The following CLTCL1 variants were observed in gnomAD, a reference collection of about 807,000 sequenced individuals.
The protein encoded by CLTCL1 is clathrin heavy chain 2.
In CLTCL1, 159 loss-of-function variants were observed where a neutral mutation model predicts 190.0. The ratio of observed to expected loss-of-function variants is 0.84; its 90% CI spans 0.74 to 0.95. The LOEUF (loss-of-function observed/expected upper bound fraction) is 0.95. CLTCL1 is among the 40% of genes least tolerant of loss of function. The pLI, the probability that CLTCL1 is intolerant of heterozygous loss-of-function variation, is 0.00. For missense variants in CLTCL1, 1,878 were observed against 2,033.4 expected, an observed-to-expected ratio of 0.92 and a Z score of 1.47; for synonymous variants, 752 against 769.6, an observed-to-expected ratio of 0.98 and a Z score of 0.38.
chr22:19,209,189 T>C, intron 20 of CLTCL1, 75 bp from the exon 21 acceptor site: 2 of 1,359,128 alleles, frequency 1.5e-6, no homozygotes, highest in Admixed American at 4.8e-5. Context: ...TTTTGTTTGG[T>C]TTCCTGTTCT....
At chr22:19,183,333 C>T in intron 30 of CLTCL1, 57 bp downstream of exon 30, 5 of 1,489,104 alleles carry the variant, frequency 3.4e-6, no homozygotes, top group Non-Finnish European at 4.6e-6. Context: ...AGAGTCACTG[C>T]CAGGGTTGGG....
rs2084781911 is a variant in CLTCL1, at chr22:19,198,544, C to T, written c.3873+1190G>A. Among the ~76,000 whole-genome samples the T allele has an allele frequency of 6.6e-6, 1 of 152,194 alleles. No homozygotes were observed. Among genetic ancestry groups the T allele is most frequent in the African/African-American group, 2.4e-5 (1 of 41,442 alleles). On this transcript the variant is annotated intron_variant, in intron 24 of 32. Coordinates refer to ENST00000427926, the MANE Select transcript of CLTCL1 (RefSeq NM_007098.4). This position sits in a 1 kb window ranked among gnomAD's most constrained non-coding sequence, Gnocchi z 4.1. ...CCTTGAATACACAGCACACTTCTGCCTCAGGACTTTGCCTGGCCACTGACC... is the reference window on the plus strand; with the variant it reads ...CCTTGAATACACAGCACACTTCTGCTTCAGGACTTTGCCTGGCCACTGACC...
Position 19,234,709 on chromosome 22 carries a change from G to T in CLTCL1, c.970-3C>A. ...TCCTCAACACAAACTGACAGTACCT[G>T]TAAGGACACAACAAGTGAGAGCAGC... On this transcript the variant is annotated splice_polypyrimidine_tract_variant and splice_region_variant and intron_variant, in intron 6 of 32. Coordinates refer to ENST00000427926, the MANE Select transcript of CLTCL1 (RefSeq NM_007098.4). The T allele has an allele frequency of 6.2e-7, 1 of 1,613,240 alleles. No homozygotes were observed. Among genetic ancestry groups the T allele is most frequent in the Non-Finnish European group, 8.5e-7 (1 of 1,179,288 alleles).
At chr22:19,270,519 A>G (rs1017194039) in intron 2 of CLTCL1, among the ~76,000 whole-genome samples, 1 of 151,940 alleles carries the variant, frequency 6.6e-6, no homozygotes, top group Non-Finnish European at 1.5e-5. Context: ...CAAAGTCAAG[A>G]GATCGAGACC....
In CLTCL1 at chr22:19,201,411, G is replaced by A. The variant is rs1185759133; in HGVS notation, c.3683C>T (p.Ala1228Val). The change falls in exon 23 of 33, where the codon GCT (alanine) becomes GTT (valine). Residue 1228 changes from alanine (A) to valine (V), a missense_variant. Coordinates refer to ENST00000427926, the MANE Select transcript of CLTCL1 (RefSeq NM_007098.4). The stretch of plus-strand genomic sequence containing the variant: ...CTCACCGAGGTGAACCAAGGTGGAA[G>A]CCAGGCGGGCAAAGTTAGAAACATT... ...YSNVSNFARL[A>V]STLVHLGEYQ... The A allele has an allele frequency of 5.0e-6, 8 of 1,613,832 alleles. No homozygotes were observed. The Admixed American group carries it at 1.3e-4, about 27-fold the overall frequency.
intron 3 of CLTCL1, among the ~76,000 whole-genome samples, chr22:19,243,483 G>A (rs1410756198): frequency 1.3e-5 from 2 of 152,008 alleles, no homozygotes; most frequent in Non-Finnish European, 2.9e-5. Flanking sequence ...GCTGGTCATG[G>A]TGGCATGCGC....
intron 22 of CLTCL1, chr22:19,207,593 G>C: frequency 2.5e-6 from 1 of 405,062 alleles, no homozygotes; most frequent in Non-Finnish European, 4.3e-6. Context: ...CCATGCCACG[G>C]ACCGCTGCTG....
At chr22:19,202,262 C>A (rs1423684256) in intron 22 of CLTCL1, among the ~76,000 whole-genome samples, 1 of 152,092 alleles carries the variant, frequency 6.6e-6, no homozygotes, top group African/African-American at 2.4e-5. Context: ...ATACCTGTGG[C>A]TGCAGAGCTA....
At chr22:19,206,469 C>T (rs2085054426) in intron 22 of CLTCL1, among the ~76,000 whole-genome samples, 1 of 152,226 alleles carries the variant, frequency 6.6e-6, no homozygotes, top group South Asian at 2.1e-4. Context: ...TGGTCTTGAA[C>T]TCCTGGGCTC....
intron 2 of CLTCL1, among the ~76,000 whole-genome samples, chr22:19,267,320 A>G (rs986402759): frequency 6.6e-6 from 1 of 152,226 alleles, no homozygotes; most frequent in Non-Finnish European, 1.5e-5. Context: ...AAGAAATTAA[A>G]GATCTAAATA....
chr22:19,212,397 C>CA (rs548435992), intron 19 of CLTCL1, among the ~76,000 whole-genome samples: 14,941 of 102,148 alleles, frequency 0.15, 1,337 homozygotes, highest in East Asian at 0.49. Flanking sequence ...CTGTCTCTAC[C>CA]AAAAAAAAAA....
chr22:19,180,336 CTG>C (rs2084089894), intron 31 of CLTCL1, 98 bp from the exon 32 acceptor site: 1 of 1,305,272 alleles, frequency 7.7e-7, no homozygotes, highest in Non-Finnish European at 1.1e-6. Context: ...ACCCTCAGGC[CTG>C]TGTTTGCCCC....
intron 2 of CLTCL1, chr22:19,258,074 C>T: frequency 2.3e-6 from 1 of 443,286 alleles, no homozygotes; most frequent in Non-Finnish European, 4.4e-6. Context: ...CATCCATGGG[C>T]TCTGCAAGGT....
chr22:19,218,930 C>A (rs2085476513), intron 18 of CLTCL1, among the ~76,000 whole-genome samples: 1 of 152,174 alleles, frequency 6.6e-6, no homozygotes, highest in South Asian at 2.1e-4. Flanking sequence ...TCAGCTGAGA[C>A]AACCTTGAAA....
intron 22 of CLTCL1, among the ~76,000 whole-genome samples, chr22:19,203,598 C>A (rs561684259): frequency 6.6e-6 from 1 of 152,188 alleles, no homozygotes; most frequent in Admixed American, 6.5e-5. Context: ...CCATCTCCCC[C>A]TCTCCCTGCT....
rs1394864316 is a variant in CLTCL1, at chr22:19,221,614, T to C, written c.2562-3A>G. ...GCCAGGGAAGCAGCAGCTTGAGCCT[T>C]TGAAAGAAGGAAGGTGCTGTAAAGT... On this transcript the variant is annotated splice_polypyrimidine_tract_variant and splice_region_variant and intron_variant, in intron 16 of 32. Coordinates refer to ENST00000427926, the MANE Select transcript of CLTCL1 (RefSeq NM_007098.4). 5 of 1,572,642 alleles carry C rather than the reference T, an allele frequency of 3.2e-6. No individual in the cohort carries two copies. The highest frequency in any genetic ancestry group is 1.4e-5 in the African/African-American group (1 of 74,004).
At chr22:19,270,957 T>G (rs2087296001) in intron 2 of CLTCL1, among the ~76,000 whole-genome samples, 1 of 151,846 alleles carries the variant, frequency 6.6e-6, no homozygotes, top group Non-Finnish European at 1.5e-5. Context: ...AACATGTGTT[T>G]ATGAGGCACA....
At chr22:19,182,126 T>G (rs2084160211) in intron 30 of CLTCL1, 2 of 152,200 alleles carry the variant, frequency 1.3e-5, no homozygotes. Flanking sequence ...ATTCAAGCAC[T>G]TTCTTTCCTT....
rs12628489 is a variant in CLTCL1 at position 19,191,679 on chromosome 22, G to C, written c.4192-244C>G. ...GTTTCCTGCCTCAACCCAGCACCTA[G>C]ACCAGTATCTGATGCAGGGTCCACG... On this transcript the variant is annotated intron_variant, in intron 26 of 32. Coordinates refer to ENST00000427926, the MANE Select transcript of CLTCL1 (RefSeq NM_007098.4). Among the ~76,000 whole-genome samples the C allele has an allele frequency of 9.4e-3, 1,430 of 152,234 alleles. 31 individuals carry two copies. Among genetic ancestry groups the C allele is most frequent in the East Asian group, 0.068 (351 of 5,166 alleles).
Sources: gnomAD v4.1 joint callset for allele counts (sites outside exome capture counted in the v4.1 genomes callset) on GRCh38, gnomAD v4.1.1 for gene constraint, Gnocchi (gnomAD v3.1) non-coding constraint, MANE v1.5 for transcripts, NCBI Gene and HGNC (gene_info 2026-07-23, HGNC 2026-07-21) for gene names.